HDC: variants seen among roughly 807,000 people sequenced by gnomAD.
The protein encoded by HDC is histidine decarboxylase.
HDC carries 27 observed loss-of-function variants against 64.4 expected under a neutral mutation model. The ratio of observed to expected loss-of-function variants is 0.42; its 90% CI spans 0.31 to 0.58. The LOEUF is 0.58. HDC is among the 20% of genes least tolerant of loss of function. The pLI, the probability that HDC is intolerant of heterozygous loss-of-function variation, is 0.16. For missense variants in HDC, 711 were observed against 833.9 expected (o/e 0.85, Z 1.81); for synonymous variants, 305 against 314.2 (o/e 0.97, Z 0.31).
rs1476726378 is a variant in HDC, at chr15:50,242,685, T to G, written c.1564A>C (p.Ile522Leu). The part of the protein sequence containing the change: ...AGDDPVQARK[I>L]IKQPQRVGAG... Reference sequence around the variant, plus strand: ...CCCACACGCTGAGGCTGCTTGATGATCTTCCTGGCCTGGACTGGATCATCT... The same window carrying G: ...CCCACACGCTGAGGCTGCTTGATGAGCTTCCTGGCCTGGACTGGATCATCT... The change falls in exon 12 of 12, where the codon ATC becomes CTC. Residue 522 changes from isoleucine to leucine, a missense_variant. Transcript: ENST00000267845. 3.7e-6 allele frequency: 6 copies of G among 1,614,164 alleles called. No individual in the cohort carries two copies. The highest frequency in any genetic ancestry group is 5.1e-6 in the Non-Finnish European group (6 of 1,180,008).
chr15:50,254,760 C>G (rs2045608019), intron 4 of HDC, 96 bp from the exon 5 acceptor site: 1 of 1,050,732 alleles, frequency 9.5e-7, no homozygotes, highest in East Asian at 2.5e-5. Flanking sequence ...CTCTCTCTCT[C>G]TCTCTCTCTC....
Position 50,265,665 on chromosome 15 carries a change from G to C in HDC, c.-42C>G. The C allele has an allele frequency of 6.2e-7, 1 of 1,606,924 alleles. No homozygotes were observed. The highest frequency in any genetic ancestry group is 8.5e-7 in the Non-Finnish European group (1 of 1,173,612). On this transcript the variant is annotated 5_prime_UTR_variant, in exon 1 of 12. Coordinates refer to ENST00000267845, the MANE Select transcript of HDC (RefSeq NM_002112.4). ...CTCCTTCTCACAGATGGACACGCAG[G>C]AGGTGGAAGGCGTGAAAGGCGTGGA...
At chr15:50,262,567 A>T (rs2045717869) in intron 2 of HDC, among the ~76,000 whole-genome samples, 1 of 152,182 alleles carries the variant, frequency 6.6e-6, no homozygotes, top group South Asian at 2.1e-4. Flanking sequence ...GCCAGCTTCC[A>T]TCAGCTTCCT....
chr15:50,252,640 T>A lies in HDC; in HGVS notation c.922A>T (p.Met308Leu). 6.2e-7 allele frequency: 1 copy of A among 1,614,076 alleles called. No individual in the cohort carries two copies. Among genetic ancestry groups the A allele is most frequent in the East Asian group, 2.2e-5 (1 of 44,874 alleles). The change falls in exon 8 of 12, where the codon ATG becomes TTG. Residue 308 changes from methionine to leucine, a missense_variant. Physicochemically the swap from Met to Leu is conservative, Grantham distance 15. Transcript: ENST00000267845. ...SFTFNPSKWMMVHFDCTGFWV... is the reference protein window; with the variant it reads ...SFTFNPSKWMLVHFDCTGFWV... ...AACCCAGTACAGTCAAAATGCACCATCATCCACTTGGAAGGATTAAAGGTG... is the reference window on the plus strand; with the variant it reads ...AACCCAGTACAGTCAAAATGCACCAACATCCACTTGGAAGGATTAAAGGTG...
intron 3 of HDC, 32 bp downstream of exon 3, chr15:50,258,372 C>A: frequency 8.1e-7 from 1 of 1,228,122 alleles, no homozygotes; most frequent in South Asian, 1.2e-5. Context: ...CTACGTTCCC[C>A]ATTGCGAGTA....
chr15:50,250,618 G>T (rs973657327), intron 9 of HDC, among the ~76,000 whole-genome samples: 3 of 152,158 alleles, frequency 2.0e-5, no homozygotes, highest in Admixed American at 6.5e-5. Flanking sequence ...TGAATATAAT[G>T]CTCCTCAGTT....
chr15:50,262,633 T>G (rs1286467955), intron 2 of HDC, among the ~76,000 whole-genome samples: 1 of 152,188 alleles, frequency 6.6e-6, no homozygotes, highest in Non-Finnish European at 1.5e-5. Flanking sequence ...TATCAATGAT[T>G]CAGGGAAAGT....
intron 10 of HDC, among the ~76,000 whole-genome samples, chr15:50,243,708 C>A (rs1029502398): frequency 6.6e-6 from 1 of 152,218 alleles, no homozygotes; most frequent in Admixed American, 6.5e-5. Context: ...GGGCTAGTGG[C>A]GGCCCTGCCC....
Position 50,242,296 on chromosome 15 carries a change from G to T in HDC, c.1953C>A (p.Leu651=), listed in dbSNP as rs781221514. Residue 651 remains leucine, a synonymous_variant, in exon 12 of 12, where the codon CTC becomes CTA. Coordinates refer to ENST00000267845, the MANE Select transcript of HDC (RefSeq NM_002112.4). ...CCTGCAGAGGGCAACAGGGCAGCTG[G>T]AGTCCACATTGAGAGCTGCATTCAG... ...SFPECSSQCG[L]QLPCCPLQAM... 1.5e-5 allele frequency: 25 copies of T among 1,614,056 alleles called. No homozygotes were observed. The highest frequency in any genetic ancestry group is 2.7e-5 in the African/African-American group (2 of 74,936).
At chr15:50,261,089 G>T (rs1215512234) in intron 2 of HDC, among the ~76,000 whole-genome samples, 2 of 152,128 alleles carry the variant, frequency 1.3e-5, no homozygotes, top group East Asian at 1.9e-4. Flanking sequence ...CTTAGTGACA[G>T]TATTTTGGAA....
chr15:50,263,361 C>T lies in HDC; in HGVS notation c.78G>A (p.Arg26=). The T allele has an allele frequency of 6.2e-7, 1 of 1,614,180 alleles. No individual in the cohort carries two copies. Among genetic ancestry groups the T allele is most frequent in the South Asian group, 1.1e-5 (1 of 91,092 alleles). The part of the protein sequence containing the change: ...DYICQYLSTV[R]ERRVTPDVQP... ...GCACGTCTGGCGTCACACGTCTCTC[C>T]CGCACAGTGCTCAGGTACTGGCAGA... The change falls in exon 2 of 12, where the codon CGG becomes CGA. Residue 26 remains arginine (R), a synonymous_variant. Transcript: ENST00000267845.
intron 4 of HDC, 103 bp from the exon 5 acceptor site, chr15:50,254,767 T>C (rs1258346763): frequency 3.9e-5 from 42 of 1,083,228 alleles, no homozygotes; most frequent in Non-Finnish European, 5.2e-5. Flanking sequence ...TCTCTCTCTC[T>C]CTCTCTCTCT....
intron 10 of HDC, among the ~76,000 whole-genome samples, chr15:50,245,973 G>A (rs1445031959): frequency 6.6e-6 from 1 of 152,118 alleles, no homozygotes; most frequent in African/African-American, 2.4e-5. Context: ...AACAGTAAAG[G>A]GTAGAACTAA....
chr15:50,259,057 G>A (rs2045670022), intron 2 of HDC, among the ~76,000 whole-genome samples: 1 of 152,062 alleles, frequency 6.6e-6, no homozygotes. Flanking sequence ...AGCTACTCAG[G>A]AGGCTGAGGC....
At chr15:50,251,080 A>T (rs1367246890) in intron 9 of HDC, among the ~76,000 whole-genome samples, 1 of 152,230 alleles carries the variant, frequency 6.6e-6, no homozygotes, top group African/African-American at 2.4e-5. Context: ...TCAGTGTATT[A>T]ATTTGTATAA....
chr15:50,256,848 T>G (rs573763894), intron 4 of HDC, among the ~76,000 whole-genome samples: 1 of 152,196 alleles, frequency 6.6e-6, no homozygotes, highest in East Asian at 1.9e-4. Context: ...CAAGCCCTCA[T>G]GAACGTCAAG....
rs1183705126 is a variant in HDC, at chr15:50,242,763, C to A, written c.1486G>T (p.Gly496Cys). The change falls in exon 12 of 12, where the codon GGT (glycine) becomes TGT (cysteine). Residue 496 changes from glycine (G) to cysteine (C), a missense_variant. Around this residue, in one of 3 missense-constraint regions of HDC, gnomAD observed 483 missense variants for 540.9 expected, o/e 0.89. Transcript: ENST00000267845. ...GTTCCACAGGCCCAGGCTCTGGCAC[C>A]CCTGATTTGGGAGATGAGGTTCCCA... ...RVGNLISQIR[G>C]ARAWACGTSL... is the part of the protein sequence containing the mutation. The A allele has an allele frequency of 2.5e-6, 4 of 1,614,008 alleles. No homozygotes were observed. The highest frequency in any genetic ancestry group is 3.4e-6 in the Non-Finnish European group (4 of 1,180,018).
intron 6 of HDC, 118 bp downstream of exon 6, chr15:50,254,012 T>C: frequency 9.4e-7 from 1 of 1,064,096 alleles, no homozygotes; most frequent in Admixed American, 1.8e-5. Flanking sequence ...TGTAAAATAC[T>C]GTATGGGAGG....
chr15:50,257,309 G>T, intron 4 of HDC, 116 bp downstream of exon 4: 1 of 1,270,374 alleles, frequency 7.9e-7, no homozygotes, highest in Non-Finnish European at 1.1e-6. Context: ...TGGTGATGAC[G>T]GTGTGGGTAA....
Sources: gnomAD v4.1 joint callset for allele counts (sites outside exome capture counted in the v4.1 genomes callset) on GRCh38, gnomAD v4.1.1 for gene constraint, gnomAD v4.1.1 regional missense constraint, MANE v1.5 for transcripts, NCBI Gene and HGNC (gene_info 2026-07-23, HGNC 2026-07-21) for gene names.